CACNA1A: variants seen among roughly 807,000 people sequenced by gnomAD.
The protein encoded by CACNA1A is voltage-dependent P/Q-type calcium channel subunit alpha-1A.
CACNA1A carries 57 observed loss-of-function variants against 262.4 expected under a neutral mutation model. The ratio of observed to expected loss-of-function variants is 0.22; its 90% CI spans 0.18 to 0.27. The LOEUF (loss-of-function observed/expected upper bound fraction) is 0.27. Ranked by LOEUF, CACNA1A falls within the 10% of genes least tolerant of loss-of-function variation. CACNA1A has a pLI of 1.00. For synonymous variants in CACNA1A, 1,431 were observed against 1,419.3 expected, an observed-to-expected ratio of 1.01 and a Z score of -0.18; for missense variants, 2,526 against 3,562.8, an observed-to-expected ratio of 0.71 and a Z score of 7.41.
chr19:13,257,271 G>T, intron 28 of CACNA1A, 79 bp downstream of exon 28: 3 of 1,191,754 alleles, frequency 2.5e-6, no homozygotes, highest in Admixed American at 2.0e-5. Flanking sequence ...CCTAGAAAGG[G>T]GTTCCTGGGT....
intron 3 of CACNA1A, among the ~76,000 whole-genome samples, chr19:13,418,387 A>G (rs1036264421): frequency 6.6e-6 from 1 of 152,154 alleles, no homozygotes; most frequent in African/African-American, 2.4e-5. Flanking sequence ...TTCTGGCTGT[A>G]GTGGGTTGAA....
At chr19:13,257,281 T>G in intron 28 of CACNA1A, 69 bp downstream of exon 28, 5 of 1,276,786 alleles carry the variant, frequency 3.9e-6, no homozygotes, top group Non-Finnish European at 5.6e-6. Context: ...GGTTCCTGGG[T>G]GTTGTGTGTG....
At chr19:13,411,886 AT>A (rs928570709) in intron 3 of CACNA1A, among the ~76,000 whole-genome samples, 19 of 151,546 alleles carry the variant, frequency 1.3e-4, no homozygotes, top group African/African-American at 3.4e-4. Flanking sequence ...TAATTTAAAA[AT>A]TTTTTTTTGT....
At chr19:13,446,529 C>T (rs188721630) in intron 3 of CACNA1A, among the ~76,000 whole-genome samples, 65 of 148,690 alleles carry the variant, frequency 4.4e-4, no homozygotes, top group Non-Finnish European at 1.5e-4. Context: ...GCAACCTCTG[C>T]CTCCTGGATT....
chr19:13,420,564 A>G (rs1161907515), intron 3 of CACNA1A, among the ~76,000 whole-genome samples: 1 of 152,160 alleles, frequency 6.6e-6, no homozygotes, highest in Non-Finnish European at 1.5e-5. Context: ...GACAAAGAAT[A>G]CCAAGGGTTG....
intron 24 of CACNA1A, chr19:13,271,766 A>ATT (rs34116026): frequency 0.18 from 25,682 of 139,588 alleles, 2,777 homozygotes; most frequent in East Asian, 0.44. Flanking sequence ...CCTCCTCAGC[A>ATT]TTTTTTTTTT....
intron 30 of CACNA1A, among the ~76,000 whole-genome samples, chr19:13,246,833 A>C (rs2056248332): frequency 6.6e-6 from 1 of 152,028 alleles, no homozygotes; most frequent in South Asian, 2.1e-4. Context: ...TCACCATGTT[A>C]GCCAGGATGA....
intron 1 of CACNA1A, among the ~76,000 whole-genome samples, chr19:13,457,018 G>C (rs1323642140): frequency 6.6e-6 from 1 of 152,150 alleles, no homozygotes; most frequent in Non-Finnish European, 1.5e-5. Context: ...GGGAGGCCGA[G>C]GTAGGAGGAT....
chr19:13,272,631 A>T (rs2057051030), intron 24 of CACNA1A: 1 of 152,196 alleles, frequency 6.6e-6, no homozygotes, highest in South Asian at 2.1e-4. Context: ...GAGGAAAATA[A>T]AAAGATAGAA....
chr19:13,355,871 C>T (rs565158976), intron 6 of CACNA1A, among the ~76,000 whole-genome samples: 1 of 152,096 alleles, frequency 6.6e-6, no homozygotes, highest in African/African-American at 2.4e-5. Context: ...TGGCCTTTAC[C>T]CACTTGATGC....
intron 3 of CACNA1A, among the ~76,000 whole-genome samples, chr19:13,437,302 G>A (rs1250180005): frequency 6.6e-6 from 1 of 152,222 alleles, no homozygotes; most frequent in Non-Finnish European, 1.5e-5. Flanking sequence ...AGACCCAGCA[G>A]ATGCTCAGTT....
In CACNA1A at chr19:13,419,591, C is replaced by T. The variant is rs142762055; in HGVS notation, c.539+33285G>A. Reference sequence around the variant, plus strand: ...ACTCTGGAGGCTGAGGTGGGAGGATCGCTTGAACCCAGGTGGTCGAGGCTG... The same window carrying T: ...ACTCTGGAGGCTGAGGTGGGAGGATTGCTTGAACCCAGGTGGTCGAGGCTG... On this transcript the variant is annotated intron_variant, in intron 3 of 46. Coordinates refer to ENST00000360228, the MANE Select transcript of CACNA1A (RefSeq NM_001127222.2). Among the ~76,000 whole-genome samples, 566 of 152,208 alleles carry T rather than the reference C, an allele frequency of 3.7e-3. 5 individuals carry two copies. Among genetic ancestry groups the T allele is most frequent in the African/African-American group, 0.012 (519 of 41,540 alleles).
At chr19:13,332,999 C>T in intron 8 of CACNA1A, 74 bp from the exon 9 acceptor site, 1 of 1,179,482 alleles carries the variant, frequency 8.5e-7, no homozygotes, top group Non-Finnish European at 1.2e-6. Context: ...GAAGAAGGGT[C>T]TGCCCGGCCA....
intron 3 of CACNA1A, among the ~76,000 whole-genome samples, chr19:13,379,589 G>T (rs549488865): frequency 6.6e-6 from 1 of 152,064 alleles, no homozygotes; most frequent in Non-Finnish European, 1.5e-5. Context: ...ATCAGTAAAG[G>T]CACCTGCTCT....
At chr19:13,226,605 T>G (rs915078467) in intron 37 of CACNA1A, 2 of 152,242 alleles carry the variant, frequency 1.3e-5, no homozygotes, top group Non-Finnish European at 2.9e-5. Flanking sequence ...CCAAGGGAGA[T>G]TCCAGGACAG....
chr19:13,267,789 CT>C (rs374270250), intron 24 of CACNA1A, among the ~76,000 whole-genome samples: 3 of 150,678 alleles, frequency 2.0e-5, no homozygotes, highest in East Asian at 2.0e-4. Context: ...TCCTTCTCTC[CT>C]TTTTTTTTGA....
At chr19:13,412,360 A>C (rs187687376) in intron 3 of CACNA1A, among the ~76,000 whole-genome samples, 10 of 152,264 alleles carry the variant, frequency 6.6e-5, no homozygotes, top group Non-Finnish European at 1.3e-4. Flanking sequence ...CTCTGCACCC[A>C]GCAATTCCTT....
At chr19:13,436,561 A>G (rs896768110) in intron 3 of CACNA1A, among the ~76,000 whole-genome samples, 1 of 151,944 alleles carries the variant, frequency 6.6e-6, no homozygotes, top group African/African-American at 2.4e-5. Flanking sequence ...TCATTCATCC[A>G]CTCACTCATT....
intron 1 of CACNA1A, among the ~76,000 whole-genome samples, chr19:13,469,493 C>T (rs573482509): frequency 1.2e-3 from 127 of 104,116 alleles, no homozygotes; most frequent in African/African-American, 4.6e-3. Flanking sequence ...TTTTTTGAGA[C>T]GGAGTCTCGC....
Sources: gnomAD v4.1 joint callset for allele counts (sites outside exome capture counted in the v4.1 genomes callset) on GRCh38, gnomAD v4.1.1 for gene constraint, MANE v1.5 for transcripts, NCBI Gene and HGNC (gene_info 2026-07-23, HGNC 2026-07-21) for gene names.